Variants in INTS15 observed in about 807,000 individuals in gnomAD.
INTS15 encodes uncharacterized protein C7orf26.
the INTS15 span, chr7:6,602,235 G>A: frequency 3.1e-6 from 3 of 969,986 alleles, no homozygotes; most frequent in Non-Finnish European, 3.1e-6. Flanking sequence ...GGTTCTTTGG[G>A]GAGAGCCCAG....
the INTS15 span, among the ~76,000 whole-genome samples, chr7:6,604,453 G>T: frequency 6.6e-6 from 1 of 152,142 alleles, no homozygotes; most frequent in Non-Finnish European, 1.5e-5. Flanking sequence ...ACATGGACAG[G>T]GTTTATAGAA....
chr7:6,591,432 A>T, the INTS15 span, among the ~76,000 whole-genome samples: 703 of 151,632 alleles, frequency 4.6e-3, 6 homozygotes, highest in Non-Finnish European at 7.7e-3. Flanking sequence ...ATGCCGGCTA[A>T]TTGTTGTATT....
the INTS15 span, chr7:6,590,308 C>T: frequency 1.9e-6 from 3 of 1,584,880 alleles, no homozygotes; most frequent in African/African-American, 1.4e-5. Flanking sequence ...CCACTCGCTG[C>T]TGCGCCGCGA....
the INTS15 span, chr7:6,602,779 T>C: frequency 6.4e-6 from 3 of 470,776 alleles, no homozygotes; most frequent in Non-Finnish European, 1.3e-5. Flanking sequence ...GTGGTCAGAT[T>C]CTGGAGAGAA....
At chr7:6,597,216 G>T in the INTS15 span, among the ~76,000 whole-genome samples, 1 of 152,152 alleles carries the variant, frequency 6.6e-6, no homozygotes, top group Non-Finnish European at 1.5e-5. Flanking sequence ...GCTGTTAACA[G>T]GTGGGAGTGG....
the INTS15 span, chr7:6,600,082 G>A: frequency 6.2e-7 from 1 of 1,614,216 alleles, no homozygotes; most frequent in Admixed American, 1.7e-5. Flanking sequence ...CGGGCGTGGG[G>A]ATGGACAGAG....
the INTS15 span, chr7:6,607,835 G>T: frequency 2.0e-6 from 3 of 1,514,278 alleles, no homozygotes; most frequent in Admixed American, 2.1e-5. This position sits in a 1 kb window ranked among gnomAD's most constrained non-coding sequence, Gnocchi z 6.0. Context: ...CTGGACCCCC[G>T]GGTGGTCCGT....
the INTS15 span, chr7:6,607,766 T>C: frequency 1.1e-5 from 16 of 1,483,566 alleles, no homozygotes; most frequent in East Asian, 3.5e-4. This position sits in a 1 kb window ranked among gnomAD's most constrained non-coding sequence, Gnocchi z 6.0. Context: ...CAGAGCCCAC[T>C]CCCACGCATC....
At chr7:6,591,909 T>C in the INTS15 span, 1 of 1,579,118 alleles carries the variant, frequency 6.3e-7, no homozygotes, top group South Asian at 1.1e-5. Flanking sequence ...CGGTGGCTCA[T>C]GCCTGTAATC....
the INTS15 span, among the ~76,000 whole-genome samples, chr7:6,598,760 TGTGTGTGTGTGTGTGTGTGTGTGTGTA>T: frequency 9.4e-6 from 1 of 106,598 alleles, no homozygotes; most frequent in Admixed American, 1.0e-4. Flanking sequence ...TGTGTGTGTG[TGTGTGTGTGTGTGTGTGTGTGTGTGTA>T]TTTTTTTTTT....
the INTS15 span, among the ~76,000 whole-genome samples, chr7:6,596,176 T>C: frequency 6.6e-6 from 1 of 151,084 alleles, no homozygotes; most frequent in Non-Finnish European, 1.5e-5. Context: ...CTCAGCCTCC[T>C]GAGTAGCTAG....
chr7:6,605,334 C>G, the INTS15 span, among the ~76,000 whole-genome samples: 1 of 152,086 alleles, frequency 6.6e-6, no homozygotes, highest in South Asian at 2.1e-4. Flanking sequence ...TCCACAGCAT[C>G]GAAGAACATT....
At chr7:6,595,293 G>A in the INTS15 span, among the ~76,000 whole-genome samples, 3 of 152,226 alleles carry the variant, frequency 2.0e-5, no homozygotes, top group Admixed American at 2.0e-4. Flanking sequence ...CTCCTGAGTA[G>A]TCGGGACCAC....
the INTS15 span, chr7:6,590,533 C>T: frequency 2.7e-5 from 40 of 1,483,112 alleles, no homozygotes; most frequent in Non-Finnish European, 3.5e-5. Flanking sequence ...GGGCCTTTTC[C>T]CCAGCGATGC....
the INTS15 span, among the ~76,000 whole-genome samples, chr7:6,598,623 G>A: frequency 8.7e-4 from 133 of 152,166 alleles, 1 homozygote; most frequent in East Asian, 2.3e-3. Flanking sequence ...GGCTGAGGAC[G>A]CCCTCCTGTG....
chr7:6,599,906 A>C, the INTS15 span: 4 of 1,614,190 alleles, frequency 2.5e-6, no homozygotes, highest in African/African-American at 4.0e-5. Context: ...GATTCTCATC[A>C]CTTTTTTAAA....
chr7:6,590,547 G>A, the INTS15 span: 2 of 1,419,280 alleles, frequency 1.4e-6, no homozygotes, highest in South Asian at 1.5e-5. Flanking sequence ...GCGATGCAGG[G>A]CTGTGTCAAG....
chr7:6,593,483 A>G, the INTS15 span, among the ~76,000 whole-genome samples: 1 of 151,506 alleles, frequency 6.6e-6, no homozygotes, highest in Non-Finnish European at 1.5e-5. Flanking sequence ...GGCGCCCACC[A>G]TCAGTGGTGC....
At chr7:6,590,142 C>G in the INTS15 span, 2 of 625,092 alleles carry the variant, frequency 3.2e-6, no homozygotes, top group Admixed American at 9.1e-5. Context: ...AGGCAGGGAG[C>G]AGGCGGCGGC....
Sources: allele counts gnomAD v4.1 joint callset (sites outside exome capture counted in the v4.1 genomes callset), GRCh38; gene constraint gnomAD v4.1.1; non-coding constraint Gnocchi (gnomAD v3.1); transcripts MANE v1.5; gene names NCBI Gene and HGNC (gene_info 2026-07-23, HGNC 2026-07-21).